Variants in TMC5 observed in about 807,000 individuals in gnomAD.
The protein encoded by TMC5 is transmembrane channel like 5.
TMC5 carries 86 observed loss-of-function variants against 110.5 expected under a neutral mutation model. The ratio of observed to expected loss-of-function variants is 0.78; its 90% CI spans 0.65 to 0.93. TMC5 has a LOEUF of 0.93. TMC5 is among the 40% of genes least tolerant of loss of function. TMC5 has a pLI of 0.00. For missense variants in TMC5, 1,144 were observed against 1,222.8 expected, an observed-to-expected ratio of 0.94 and a Z score of 0.96; for synonymous variants, 455 against 439.5, an observed-to-expected ratio of 1.04 and a Z score of -0.44.
rs1393219752 is a variant in TMC5 at position 19,440,608 on chromosome 16, T to C, written c.570T>C (p.His190=). 1.9e-6 allele frequency: 3 copies of C among 1,614,088 alleles called. No individual in the cohort carries two copies. The highest frequency in any genetic ancestry group is 1.7e-5 in the Admixed American group (1 of 60,006). ...NHPGSRKNLE[H]TSFRINPYAD... is the part of the protein sequence containing the mutation. Reference sequence around the variant, plus strand: ...CAGGATCCAGAAAGAATCTGGAACATACAAGTTTTAGAATCAATCCATACG... The same window carrying C: ...CAGGATCCAGAAAGAATCTGGAACACACAAGTTTTAGAATCAATCCATACG... Residue 190 remains histidine (H), a synonymous_variant, in exon 3 of 22, where the codon CAT becomes CAC. Coordinates refer to ENST00000542583, the MANE Select transcript of TMC5 (RefSeq NM_001261841.2).
At chr16:19,443,953 A>G (rs879750230) in intron 3 of TMC5, 128 bp from the exon 4 acceptor site, 65 of 916,270 alleles carry the variant, frequency 7.1e-5, no homozygotes, top group Non-Finnish European at 1.0e-4. Context: ...GGATGGATGG[A>G]TGGATAAATG....
intron 2 of TMC5, among the ~76,000 whole-genome samples, chr16:19,438,325 C>T (rs543294355): frequency 5.5e-4 from 74 of 133,748 alleles, no homozygotes; most frequent in African/African-American, 1.8e-3. Context: ...CCCAAGAGAT[C>T]GAGGCTGCAG....
At chr16:19,455,343 C>A (rs577598482) in intron 5 of TMC5, among the ~76,000 whole-genome samples, 2 of 151,978 alleles carry the variant, frequency 1.3e-5, no homozygotes, top group Non-Finnish European at 2.9e-5. Flanking sequence ...ATTGCCTGAA[C>A]CCAGGAGGCA....
At position 19,494,307 on chromosome 16, in the gene TMC5, C is replaced by A. The variant is rs1309333535; in HGVS notation, c.2872C>A (p.Gln958Lys). The A allele has an allele frequency of 3.1e-6, 5 of 1,613,342 alleles. No individual in the cohort carries two copies. The East Asian group carries it at 6.7e-5, about 22-fold the overall frequency. ...CCTGATAGAAAAATTGATCAAGCTG[C>A]AGGATATGGAGAAGAAAGCAAACCC... ...MFLIEKLIKL[Q>K]DMEKKANPSS... is the part of the protein sequence containing the mutation. Residue 958 changes from glutamine (Q) to lysine (K), a missense_variant, in exon 20 of 22, where the codon CAG becomes AAG. Gln to Lys is a moderately conservative substitution (Grantham distance 53). Transcript: ENST00000542583.
chr16:19,459,098 C>G (rs1015240787), intron 5 of TMC5, among the ~76,000 whole-genome samples: 14 of 151,348 alleles, frequency 9.3e-5, no homozygotes, highest in Non-Finnish European at 1.9e-4. Context: ...TCTCAGCACA[C>G]ACCTCTCAGA....
intron 1 of TMC5, among the ~76,000 whole-genome samples, chr16:19,430,011 T>C (rs1967164095): frequency 6.6e-6 from 1 of 151,970 alleles, no homozygotes; most frequent in Admixed American, 6.6e-5. Context: ...CATACCTTTT[T>C]GAGGGGATGC....
chr16:19,440,411 C>T lies in TMC5; in HGVS notation c.373C>T (p.Gln125Ter). 1 of 1,614,114 alleles carries T rather than the reference C, an allele frequency of 6.2e-7. No individual in the cohort carries two copies. Among genetic ancestry groups the T allele is most frequent in the Non-Finnish European group, 8.5e-7 (1 of 1,180,024 alleles). The stretch of plus-strand genomic sequence containing the variant: ...TCCCTACCACCGAGCATCATCCAGA[C>T]AACCAGACTACCCTGGATCTCAACG... ...SHPYHRASSRQPDYPGSQRNP... is the reference protein window; with the variant it reads ...SHPYHRASSR Residue 125 changes from glutamine (Q) to a stop codon, truncating the protein, a stop_gained, in exon 3 of 22, where the codon CAA becomes TAA. Coordinates refer to ENST00000542583, the MANE Select transcript of TMC5 (RefSeq NM_001261841.2). LOFTEE classifies it high-confidence loss of function.
intron 20 of TMC5, among the ~76,000 whole-genome samples, chr16:19,494,806 C>T (rs1332621750): frequency 6.6e-6 from 1 of 151,102 alleles, no homozygotes; most frequent in Non-Finnish European, 1.5e-5. Flanking sequence ...CACTCTGTCT[C>T]AAAAAAAAGT....
chr16:19,486,898 C>T (rs769761045), intron 15 of TMC5, 47 bp from the exon 16 acceptor site: 1 of 1,546,784 alleles, frequency 6.5e-7, no homozygotes, highest in South Asian at 1.1e-5. Flanking sequence ...CACCCCGACT[C>T]CTTGTGTCTC....
Position 19,487,201 on chromosome 16 carries a change from G to T in TMC5, c.2448G>T (p.Leu816=). 6.2e-7 allele frequency: 1 copy of T among 1,612,644 alleles called. No individual in the cohort carries two copies. The highest frequency in any genetic ancestry group is 8.5e-7 in the Non-Finnish European group (1 of 1,179,350). ...FIMFYSKNIS[L]MMNFQPPSKA... is the part of the protein sequence containing the mutation. ...TGCCTCTCTCTCTTCAGATCAGCCT[G>T]ATGATGAATTTCCAGCCTCCGAGCA... Residue 816 remains leucine, a synonymous_variant, in exon 17 of 22, where the codon CTG becomes CTT. Coordinates refer to ENST00000542583, the MANE Select transcript of TMC5 (RefSeq NM_001261841.2).
At chr16:19,482,349 C>A (rs1210430123) in intron 15 of TMC5, among the ~76,000 whole-genome samples, 1 of 152,132 alleles carries the variant, frequency 6.6e-6, no homozygotes, top group African/African-American at 2.4e-5. Context: ...CATGAGCCAC[C>A]ACACCCAGCC....
intron 10 of TMC5, among the ~76,000 whole-genome samples, chr16:19,470,194 GTT>G (rs557157686): frequency 3.3e-5 from 4 of 119,540 alleles, no homozygotes; most frequent in Admixed American, 9.0e-5. Context: ...GCGCCCAGCT[GTT>G]TTTTTTTTTT....
At chr16:19,446,797 C>T (rs774029702) in intron 4 of TMC5, among the ~76,000 whole-genome samples, 2 of 151,990 alleles carry the variant, frequency 1.3e-5, no homozygotes, top group African/African-American at 2.4e-5. Flanking sequence ...ACTTAAAAAA[C>T]AAAAAAAGCA....
At chr16:19,493,466 T>TCTCTCTCTCTC (rs563230178) in intron 19 of TMC5, among the ~76,000 whole-genome samples, 2 of 124,496 alleles carry the variant, frequency 1.6e-5, no homozygotes, top group Non-Finnish European at 3.2e-5. Context: ...TCTCTCTCTC[T>TCTCTCTCTCTC]TTTTTTTTTT....
rs1967705250 is a variant in TMC5 at position 19,449,737 on chromosome 16, G to A, written c.1048+106G>A. ...GGTGGGAGGTGATTGGATCATGGGG[G>A]TGGTTTCCCCCATGCTGTTCTCATG... On this transcript the variant is annotated intron_variant, in intron 5 of 21. Transcript: ENST00000542583. 14 of 1,001,828 alleles carry A rather than the reference G, an allele frequency of 1.4e-5. No homozygotes were observed. In the South Asian group the frequency reaches 1.8e-4, roughly 13 times the overall value. 62.1% of individuals were successfully genotyped at this position (1,001,828 alleles called of 1,614,324 possible). A position where few individuals can be genotyped will look rare whatever the true frequency, so the allele number is the denominator to read the frequency against.
Position 19,477,841 on chromosome 16 carries a change from A to G in TMC5, c.2169+323A>G, listed in dbSNP as rs1204963498. On this transcript the variant is annotated intron_variant, in intron 13 of 21. Coordinates refer to ENST00000542583, the MANE Select transcript of TMC5 (RefSeq NM_001261841.2). ...GTGTAGTATAAGTTCAGTGCCCAGC[A>G]TATGCAATAGACACTAGTAATTTTA... Among the ~76,000 whole-genome samples, 2 of 152,220 alleles carry G rather than the reference A, an allele frequency of 1.3e-5. 1 individual carries two copies. The highest frequency in any genetic ancestry group is 3.9e-4 in the East Asian group (2 of 5,192).
At chr16:19,489,395 C>T (rs562450633) in intron 17 of TMC5, among the ~76,000 whole-genome samples, 6 of 152,122 alleles carry the variant, frequency 3.9e-5, no homozygotes, top group South Asian at 2.1e-4. Context: ...AGTGCAGTGG[C>T]GCAATCTCGG....
At chr16:19,461,037 T>C (rs1262688088) in intron 6 of TMC5, among the ~76,000 whole-genome samples, 5 of 152,052 alleles carry the variant, frequency 3.3e-5, no homozygotes, top group African/African-American at 7.2e-5. Context: ...GTAAATGCAA[T>C]GTGGTATCCT....
chr16:19,497,470 G>A (rs983954590), intron 21 of TMC5, among the ~76,000 whole-genome samples: 1 of 152,178 alleles, frequency 6.6e-6, no homozygotes, highest in Non-Finnish European at 1.5e-5. Flanking sequence ...GAGTCAGTCT[G>A]GTGGGAAAGA....
Sources: allele counts gnomAD v4.1 joint callset (sites outside exome capture counted in the v4.1 genomes callset), GRCh38; gene constraint gnomAD v4.1.1; transcripts MANE v1.5; gene names NCBI Gene and HGNC (gene_info 2026-07-23, HGNC 2026-07-21).